Variants in GLIS3 observed in about 807,000 individuals in gnomAD.
GLIS3 encodes GLIS family zinc finger 3.
GLIS3 carries 53 observed loss-of-function variants against 78.6 expected under a neutral mutation model. That is an observed-to-expected ratio of 0.67 (90% CI 0.54 to 0.85). GLIS3 has a LOEUF of 0.85. GLIS3 is among the 40% of genes least tolerant of loss of function. The pLI is 0.00. For missense variants in GLIS3, 1,703 were observed against 1,231.1 expected (o/e 1.38, Z -5.74); for synonymous variants, 684 against 509.9 (o/e 1.34, Z -4.60).
chr9:4,307,250 C>G (rs555303840), intron 4 of GLIS3, among the ~76,000 whole-genome samples: 1 of 152,190 alleles, frequency 6.6e-6, no homozygotes, highest in South Asian at 2.1e-4. Flanking sequence ...TCTATTGCCT[C>G]CATAAAGTAT....
the GLIS3 span, among the ~76,000 whole-genome samples, chr9:4,364,955 G>T: frequency 6.6e-6 from 1 of 151,462 alleles, no homozygotes; most frequent in Non-Finnish European, 1.5e-5. Flanking sequence ...GGCATTTGTT[G>T]CTTTTAAAAT....
intron 4 of GLIS3, among the ~76,000 whole-genome samples, chr9:4,078,847 G>T (rs1245427233): frequency 6.6e-6 from 1 of 152,104 alleles, no homozygotes; most frequent in Non-Finnish European, 1.5e-5. Context: ...ACTCAGAGAG[G>T]GCATTGGATC....
intron 9 of GLIS3, among the ~76,000 whole-genome samples, chr9:3,837,820 C>T (rs911951740): frequency 6.6e-6 from 1 of 152,164 alleles, no homozygotes; most frequent in Non-Finnish European, 1.5e-5. Flanking sequence ...TATGATGCTA[C>T]CATGGTGGAT....
At position 3,971,090 on chromosome 9, in the gene GLIS3, GGATA is replaced by G. The variant is rs1295211119; in HGVS notation, c.1711-33905_1711-33902del. Among the ~76,000 whole-genome samples, 12 of 140,132 alleles carry G rather than the reference GGATA, an allele frequency of 8.6e-5. No individual in the cohort carries two copies. The East Asian group carries it at 2.4e-3, about 27-fold the overall frequency. The allele number at this position is 140,132 out of a possible 152,430, so 91.9% of individuals were successfully genotyped here. A position where few individuals can be genotyped will look rare whatever the true frequency, so the allele number is the denominator to read the frequency against. ...AGGATTAATTGAAGGAAGGAAGGAA[GGATA>G]GATCGAAGGAAGGAAGGAAGGATCG... is the stretch of plus-strand genomic sequence containing the variant. On this transcript the variant is annotated intron_variant, in intron 4 of 10. Transcript: ENST00000381971.
intron 4 of GLIS3, among the ~76,000 whole-genome samples, chr9:4,042,884 A>G (rs1824937795): frequency 6.6e-6 from 1 of 151,976 alleles, no homozygotes; most frequent in African/African-American, 2.4e-5. Flanking sequence ...ACTTGAAAGT[A>G]CACATTATTA....
rs149291906 is a variant in GLIS3 at position 4,256,618 on chromosome 9, G to T, written c.388+29420C>A. Among the ~76,000 whole-genome samples, 1,092 of 152,254 alleles carry T rather than the reference G, an allele frequency of 7.2e-3. 13 individuals carry two copies. The highest frequency in any genetic ancestry group is 0.036 in the South Asian group (176 of 4,824). ...TATTGATCCAGTAATTCTACTCCTA[G>T]ATCATCATCAGAGAGGTAGTAAAAG... On this transcript the variant is annotated intron_variant, in intron 2 of 10. Transcript: ENST00000381971.
chr9:3,903,550 G>C (rs1377792709), intron 6 of GLIS3, among the ~76,000 whole-genome samples: 1 of 152,176 alleles, frequency 6.6e-6, no homozygotes, highest in Non-Finnish European at 1.5e-5. Context: ...ATTGGTTCCA[G>C]AGTGGCTCTG....
chr9:4,362,335 T>C, the GLIS3 span, among the ~76,000 whole-genome samples: 2 of 152,254 alleles, frequency 1.3e-5, no homozygotes, highest in Non-Finnish European at 2.9e-5. Flanking sequence ...TTCTTTTTGC[T>C]GACTGGCTTG....
At chr9:4,238,025 G>C (rs1403712515) in intron 2 of GLIS3, among the ~76,000 whole-genome samples, 2 of 152,270 alleles carry the variant, frequency 1.3e-5, no homozygotes, top group Non-Finnish European at 2.9e-5. Flanking sequence ...GAATGTTCTA[G>C]ACCAGAAATT....
intron 4 of GLIS3, among the ~76,000 whole-genome samples, chr9:3,991,566 G>A (rs780176834): frequency 6.6e-6 from 1 of 151,904 alleles, no homozygotes; most frequent in Non-Finnish European, 1.5e-5. Context: ...CATGGTAATC[G>A]ATGGAACTAT....
At chr9:4,032,606 GCAACA>G (rs1823937384) in intron 4 of GLIS3, among the ~76,000 whole-genome samples, 1 of 152,094 alleles carries the variant, frequency 6.6e-6, no homozygotes, top group African/African-American at 2.4e-5. Flanking sequence ...TTTCTAATGT[GCAACA>G]AGGAAAACAT....
chr9:4,301,992 CTTTTTT>C (rs78812027), upstream of GLIS3, among the ~76,000 whole-genome samples: 2 of 132,850 alleles, frequency 1.5e-5, no homozygotes, highest in Admixed American at 1.7e-4. Flanking sequence ...GAATTTTTTT[CTTTTTT>C]TTTTTTTCTG....
At chr9:4,436,087 GA>G in the GLIS3 span, among the ~76,000 whole-genome samples, 1 of 152,218 alleles carries the variant, frequency 6.6e-6, no homozygotes, top group Non-Finnish European at 1.5e-5. Context: ...TCACAGCACT[GA>G]CGCCAAAATA....
chr9:4,159,964 A>G (rs1454864943), intron 2 of GLIS3, among the ~76,000 whole-genome samples: 1 of 152,202 alleles, frequency 6.6e-6, no homozygotes, highest in Non-Finnish European at 1.5e-5. Context: ...ACAACCAAGA[A>G]TGAATGTTAG....
chr9:4,212,870 T>C (rs570796902), intron 2 of GLIS3, among the ~76,000 whole-genome samples: 9 of 152,260 alleles, frequency 5.9e-5, no homozygotes, highest in African/African-American at 2.2e-4. Flanking sequence ...GCTGGGGCTA[T>C]ACCCTGAGGG....
chr9:4,371,512 ACAG>A, the GLIS3 span, among the ~76,000 whole-genome samples: 1 of 152,174 alleles, frequency 6.6e-6, no homozygotes, highest in Non-Finnish European at 1.5e-5. Flanking sequence ...TGGCCCAGTA[ACAG>A]CAGTTCAGAT....
intron 4 of GLIS3, among the ~76,000 whole-genome samples, chr9:4,050,417 G>A (rs183549205): frequency 0.016 from 2,427 of 152,100 alleles, 60 homozygotes; most frequent in African/African-American, 0.047. Flanking sequence ...TGTACACAGG[G>A]CGGGGAACAT....
Position 3,971,049 on chromosome 9 carries a change from T to TGGAA in GLIS3, c.1711-33861_1711-33860insTTCC, listed in dbSNP as rs1195903030. Among the ~76,000 whole-genome samples the TGGAA allele has an allele frequency of 1.0e-3, 92 of 91,820 alleles. 1 individual carries two copies. Among genetic ancestry groups the TGGAA allele is most frequent in the Non-Finnish European group, 1.2e-3 (52 of 44,010 alleles). The allele number at this position is 91,820 out of a possible 152,430, so 60.2% of individuals were successfully genotyped here. A position where few individuals can be genotyped will look rare whatever the true frequency, so the allele number is the denominator to read the frequency against. On this transcript the variant is annotated intron_variant, in intron 4 of 10. Transcript: ENST00000381971. Reference sequence around the variant, plus strand: ...ATCGATCAAAGGAAAGAAGGAAGGATCGAAGGAAGGAAGGAAGGATTAATT... The same window carrying TGGAA: ...ATCGATCAAAGGAAAGAAGGAAGGATGGAACGAAGGAAGGAAGGAAGGATTAATT...
chr9:4,101,044 A>G (rs1203280298), intron 4 of GLIS3, among the ~76,000 whole-genome samples: 1 of 152,230 alleles, frequency 6.6e-6, no homozygotes, highest in Non-Finnish European at 1.5e-5. Context: ...CATAAATCAC[A>G]GCATCTTCAC....
Sources: allele counts gnomAD v4.1 joint callset (sites outside exome capture counted in the v4.1 genomes callset), GRCh38; gene constraint gnomAD v4.1.1; transcripts MANE v1.5; gene names NCBI Gene and HGNC (gene_info 2026-07-23, HGNC 2026-07-21).